Variants in SLC38A4 observed in about 807,000 individuals in gnomAD.
SLC38A4 encodes the protein sodium-coupled neutral amino acid transporter 4.
A neutral mutation model predicts 63.1 loss-of-function variants in SLC38A4; 20 were observed. The observed-to-expected ratio is 0.32, with a 90% confidence interval of 0.22 to 0.46. The LOEUF (loss-of-function observed/expected upper bound fraction) is 0.46. SLC38A4 is among the 20% of genes least tolerant of loss of function. The probability of loss-of-function intolerance (pLI) is 1.00; values close to 1 mark genes in which losing one functional copy is unlikely to be tolerated. For missense variants in SLC38A4, 526 were observed against 663.6 expected (o/e 0.79, Z 2.28); for synonymous variants, 230 against 225.5 (o/e 1.02, Z -0.18).
At chr12:46,816,728 T>C (rs1312119328) in intron 1 of SLC38A4, among the ~76,000 whole-genome samples, 1 of 151,748 alleles carries the variant, frequency 6.6e-6, no homozygotes, top group East Asian at 1.9e-4. Flanking sequence ...AATAAAGGAG[T>C]AATAAAAAAT....
intron 1 of SLC38A4, among the ~76,000 whole-genome samples, chr12:46,804,120 ATTTTC>A (rs1424141560): frequency 6.6e-6 from 1 of 151,994 alleles, no homozygotes; most frequent in African/African-American, 2.4e-5. Flanking sequence ...TGAAAGAGTT[ATTTTC>A]TTTTAAGTTG....
At chr12:46,770,818 G>A (rs1938402662) in intron 14 of SLC38A4, among the ~76,000 whole-genome samples, 1 of 152,110 alleles carries the variant, frequency 6.6e-6, no homozygotes, top group Admixed American at 6.6e-5. Flanking sequence ...TGGAAATGCT[G>A]TGATTGATGT....
Position 46,764,991 on chromosome 12 carries a change from A to C in SLC38A4, c.*1710T>G, listed in dbSNP as rs1938267067. On this transcript the variant is annotated 3_prime_UTR_variant, in exon 17 of 17. Coordinates refer to ENST00000266579, the MANE Select transcript of SLC38A4 (RefSeq NM_018018.5). ...AAAAAATGGTGCTTTATTATTTGGC[A>C]CTATAGGATGCTCTTGAACATTCAG... The C allele has an allele frequency of 6.6e-6, 1 of 152,594 alleles. No individual in the cohort carries two copies. Among genetic ancestry groups the C allele is most frequent in the African/African-American group, 2.4e-5 (1 of 41,456 alleles). The allele number at this position is 152,594 out of a possible 1,614,324, so 9.5% of individuals were successfully genotyped here.
At chr12:46,785,975 C>G (rs190699011) in intron 5 of SLC38A4, among the ~76,000 whole-genome samples, 1 of 151,928 alleles carries the variant, frequency 6.6e-6, no homozygotes, top group African/African-American at 2.4e-5. Flanking sequence ...AAAAAATACA[C>G]TTTCCCCACA....
rs550949632 is a variant in SLC38A4 at position 46,803,787 on chromosome 12, C to T, written c.-297G>A. 4 of 150,470 alleles carry T rather than the reference C, an allele frequency of 2.7e-5. No individual in the cohort carries two copies. Among genetic ancestry groups the T allele is most frequent in the African/African-American group, 7.3e-5 (3 of 40,928 alleles). 9.3% of individuals were successfully genotyped at this position (150,470 alleles called of 1,614,324 possible). On this transcript the variant is annotated 5_prime_UTR_variant, in exon 2 of 17. Coordinates refer to ENST00000266579, the MANE Select transcript of SLC38A4 (RefSeq NM_018018.5). ...CCAACACCTCCTTCTGTCCAACTTG[C>T]GTCAGCTCTTGAAAAAAAAAAAAAG...
intron 1 of SLC38A4, among the ~76,000 whole-genome samples, chr12:46,819,133 G>A (rs7968752): frequency 2.6e-5 from 4 of 151,508 alleles, no homozygotes; most frequent in African/African-American, 7.3e-5. Context: ...TCAGAATATG[G>A]GTAATTCTGT....
chr12:46,801,411 A>T (rs1939130269), intron 2 of SLC38A4, among the ~76,000 whole-genome samples: 1 of 152,088 alleles, frequency 6.6e-6, no homozygotes, highest in Non-Finnish European at 1.5e-5. Flanking sequence ...TTGAGTCGAG[A>T]AGCAAAAGTT....
chr12:46,768,161 C>T, intron 16 of SLC38A4, 149 bp downstream of exon 16: 1 of 544,266 alleles, frequency 1.8e-6, no homozygotes, highest in Non-Finnish European at 3.3e-6. Context: ...AAATATGTCC[C>T]CTTTCTCTGC....
intron 1 of SLC38A4, among the ~76,000 whole-genome samples, chr12:46,825,670 C>T (rs1939636099): frequency 6.6e-6 from 1 of 152,128 alleles, no homozygotes; most frequent in Non-Finnish European, 1.5e-5. Context: ...ACATTCCTCC[C>T]ATTTGGAAAA....
chr12:46,809,046 C>T (rs192481143), intron 1 of SLC38A4, among the ~76,000 whole-genome samples: 74 of 152,060 alleles, frequency 4.9e-4, no homozygotes, highest in Middle Eastern at 6.8e-3. Flanking sequence ...CCTGCCTGTC[C>T]CTACCAGAAC....
chr12:46,829,937 G>A (rs907989715), upstream of SLC38A4, among the ~76,000 whole-genome samples: 2 of 152,156 alleles, frequency 1.3e-5, no homozygotes, highest in African/African-American at 4.8e-5. Flanking sequence ...TCATAAGTTT[G>A]TTATGAAGGT....
chr12:46,819,391 C>G (rs2120916111), intron 1 of SLC38A4, among the ~76,000 whole-genome samples: 1 of 151,472 alleles, frequency 6.6e-6, no homozygotes, highest in South Asian at 2.1e-4. Context: ...GATGAATATG[C>G]TAATTACCCA....
chr12:46,809,807 T>C (rs548477031), intron 1 of SLC38A4, among the ~76,000 whole-genome samples: 39 of 152,032 alleles, frequency 2.6e-4, no homozygotes, highest in Non-Finnish European at 4.3e-4. Flanking sequence ...ACAGATGGTA[T>C]ATTTAGGTCT....
intron 1 of SLC38A4, among the ~76,000 whole-genome samples, chr12:46,824,839 A>C (rs549266220): frequency 6.6e-6 from 1 of 152,312 alleles, no homozygotes; most frequent in South Asian, 2.1e-4. Flanking sequence ...TGACAGGCCT[A>C]TAGTGGGTCA....
chr12:46,792,823 G>T, intron 3 of SLC38A4, 130 bp downstream of exon 3: 1 of 693,174 alleles, frequency 1.4e-6, no homozygotes, highest in East Asian at 2.6e-5. Flanking sequence ...GAATTGATGT[G>T]CTAGCATCAA....
rs918383236 is a variant in SLC38A4 at position 46,810,410 on chromosome 12, G to C, written c.-304-6616C>G. Among the ~76,000 whole-genome samples, 17 of 151,716 alleles carry C rather than the reference G, an allele frequency of 1.1e-4. 1 individual carries two copies. Among genetic ancestry groups the C allele is most frequent in the African/African-American group, 3.9e-4 (16 of 41,332 alleles). On this transcript the variant is annotated intron_variant, in intron 1 of 16. Transcript: ENST00000266579. Reference sequence around the variant, plus strand: ...TCGGTGGGTAGGGGGCTAGGGGAGGGATAATTACATTAGAAGAAATACCTA... The same window carrying C: ...TCGGTGGGTAGGGGGCTAGGGGAGGCATAATTACATTAGAAGAAATACCTA...
chr12:46,790,926 A>T (rs1938872186), intron 3 of SLC38A4, among the ~76,000 whole-genome samples: 1 of 151,198 alleles, frequency 6.6e-6, no homozygotes, highest in South Asian at 2.1e-4. Context: ...AACTGATTTT[A>T]AAAACTGCAA....
At chr12:46,778,221 A>G in intron 12 of SLC38A4, 68 bp downstream of exon 12, 1 of 1,450,262 alleles carries the variant, frequency 6.9e-7, no homozygotes, top group Admixed American at 1.7e-5. Context: ...GTTTCCTGTT[A>G]AAGAATCTTT....
chr12:46,817,624 C>A (rs1262979396), intron 1 of SLC38A4, among the ~76,000 whole-genome samples: 6 of 151,820 alleles, frequency 4.0e-5, no homozygotes, highest in Non-Finnish European at 5.9e-5. Context: ...GCCCCAGGAG[C>A]CTCTTATGTC....
Sources: gnomAD v4.1 joint callset for allele counts (sites outside exome capture counted in the v4.1 genomes callset) on GRCh38, gnomAD v4.1.1 for gene constraint, MANE v1.5 for transcripts, NCBI Gene and HGNC (gene_info 2026-07-23, HGNC 2026-07-21) for gene names.